POLA1: variants seen among roughly 807,000 people sequenced by gnomAD.
POLA1 encodes DNA polymerase alpha 1, catalytic subunit.
In POLA1, 15 loss-of-function variants were observed where a neutral mutation model predicts 124.0. The ratio of observed to expected loss-of-function variants is 0.12; its 90% CI spans 0.08 to 0.19. The LOEUF is 0.19. Among genes scored for constraint, POLA1 ranks in the 10% least tolerant of loss-of-function variants. POLA1 has a pLI of 1.00. For synonymous variants in POLA1, 408 were observed against 389.4 expected (o/e 1.05, Z -0.56); for missense variants, 886 against 1,103.4 (o/e 0.80, Z 2.79).
chrX:24,817,623 A>G (rs1305221543), intron 30 of POLA1, among the ~76,000 whole-genome samples: 6 of 109,205 alleles, frequency 5.5e-5, no homozygotes, highest in East Asian at 2.8e-4. Context: ...AAAAAAAAAA[A>G]AAAGAAAAGA....
At chrX:24,900,303 A>T (rs751030715) in intron 35 of POLA1, among the ~76,000 whole-genome samples, 1 of 111,954 alleles carries the variant, frequency 8.9e-6, no homozygotes, top group South Asian at 3.7e-4. Flanking sequence ...TTATATTTAG[A>T]CGATATATTG....
chrX:24,946,053 T>C (rs1458042918), intron 36 of POLA1, among the ~76,000 whole-genome samples: 2 of 111,581 alleles, frequency 1.8e-5, no homozygotes, highest in African/African-American at 6.5e-5. Context: ...ACTTGCGTCA[T>C]GAATGAAGGA....
At chrX:24,796,454 C>T (rs186041790) in intron 26 of POLA1, among the ~76,000 whole-genome samples, 317 of 110,331 alleles carry the variant, frequency 2.9e-3, no homozygotes, top group African/African-American at 0.01. Context: ...TGACACCTGC[C>T]AATAGTAACA....
chrX:24,919,825 TTTTTTTGTTTTG>T (rs1404579807), intron 35 of POLA1, among the ~76,000 whole-genome samples: 22 of 87,868 alleles, frequency 2.5e-4, no homozygotes, highest in African/African-American at 1.2e-3. Context: ...TTTTTGTTTT[TTTTTTTGTTTTG>T]TTTTTCTGTT....
intron 32 of POLA1, among the ~76,000 whole-genome samples, chrX:24,828,750 A>T (rs2046214068): frequency 9.0e-6 from 1 of 111,541 alleles, no homozygotes; most frequent in African/African-American, 3.3e-5. Flanking sequence ...ATTTAAGATA[A>T]GGACTTGCGT....
At chrX:24,987,190 C>T (rs920875678) in intron 36 of POLA1, among the ~76,000 whole-genome samples, 3 of 111,700 alleles carry the variant, frequency 2.7e-5, no homozygotes, top group Non-Finnish European at 5.6e-5. Flanking sequence ...AGTTCAGCAA[C>T]CTAAGAGGAA....
intron 26 of POLA1, among the ~76,000 whole-genome samples, chrX:24,775,694 A>G (rs2045126699): frequency 8.9e-6 from 1 of 112,223 alleles, no homozygotes; most frequent in Non-Finnish European, 1.9e-5. Flanking sequence ...ATAGAGCTCT[A>G]AAGATTCTTG....
intron 26 of POLA1, among the ~76,000 whole-genome samples, chrX:24,770,040 A>G (rs1271823885): frequency 1.8e-5 from 2 of 112,645 alleles, no homozygotes; most frequent in Non-Finnish European, 3.7e-5. Flanking sequence ...AACAGTATTT[A>G]TCTTTGTATG....
chrX:24,953,190 G>A (rs1054780953), intron 36 of POLA1, among the ~76,000 whole-genome samples: 9 of 111,726 alleles, frequency 8.1e-5, no homozygotes, highest in East Asian at 2.8e-4. Context: ...AGCCCCTCCC[G>A]CCCTTCCTCA....
chrX:24,885,040 G>A (rs754175106), intron 34 of POLA1, among the ~76,000 whole-genome samples: 1 of 112,218 alleles, frequency 8.9e-6, no homozygotes, highest in Non-Finnish European at 1.9e-5. Context: ...TGAAGTCGTA[G>A]TAAATTGACA....
At chrX:24,704,599 A>G in intron 4 of POLA1, 130 bp downstream of exon 4, 4 of 473,383 alleles carry the variant, frequency 8.4e-6, no homozygotes, top group Non-Finnish European at 1.5e-5. Flanking sequence ...TAGATACGGA[A>G]TATGTTCTAA....
chrX:24,829,685 A>C (rs1342704159), intron 32 of POLA1, among the ~76,000 whole-genome samples: 1 of 112,003 alleles, frequency 8.9e-6, no homozygotes, highest in Admixed American at 9.5e-5. Flanking sequence ...TAGGGTGGCT[A>C]TTCAGTAGGG....
chrX:24,717,307 G>C lies in POLA1; in HGVS notation c.724G>C (p.Glu242Gln). Residue 242 changes from glutamate (E) to glutamine (Q), a missense_variant, in exon 9 of 37, where the codon GAG becomes CAG. Glu to Gln is a conservative substitution (Grantham distance 29). Around this residue, in one of 7 missense-constraint regions of POLA1, gnomAD observed 337 missense variants for 402.8 expected, o/e 0.84. Transcript: ENST00000379068. ...AEFAGDDVQV[E>Q]STEEEQESGA... ...GCCTACAGGCGATGATGTACAGGTCGAGAGTACAGAAGAAGAGCAGGAGTC... is the reference window on the plus strand; with the variant it reads ...GCCTACAGGCGATGATGTACAGGTCCAGAGTACAGAAGAAGAGCAGGAGTC... 1.7e-6 allele frequency: 2 copies of C among 1,208,735 alleles called. No homozygotes were observed. The highest frequency in any genetic ancestry group is 2.2e-6 in the Non-Finnish European group (2 of 892,929).
intron 34 of POLA1, among the ~76,000 whole-genome samples, chrX:24,879,158 GGAAT>G (rs2046972142): frequency 9.0e-6 from 1 of 111,130 alleles, no homozygotes; most frequent in Non-Finnish European, 1.9e-5. Context: ...TTGACAGGCA[GGAAT>G]GGCGTTGGAA....
intron 36 of POLA1, among the ~76,000 whole-genome samples, chrX:24,950,674 G>A (rs1018324821): frequency 8.9e-5 from 10 of 111,919 alleles, no homozygotes; most frequent in Non-Finnish European, 5.6e-5. Context: ...TTGTAACAAA[G>A]TCAGGGGACC....
intron 35 of POLA1, among the ~76,000 whole-genome samples, chrX:24,919,513 C>T (rs1000606600): frequency 1.8e-5 from 2 of 111,668 alleles, no homozygotes; most frequent in African/African-American, 6.5e-5. Context: ...ATTTGTAAAA[C>T]TGAGAAAGCC....
intron 36 of POLA1, among the ~76,000 whole-genome samples, chrX:24,995,353 T>C (rs1248761400): frequency 9.0e-6 from 1 of 111,687 alleles, no homozygotes; most frequent in African/African-American, 3.3e-5. Flanking sequence ...GACTAGAAAA[T>C]GCTTACTAGG....
rs371515744 is a variant in POLA1 at position 24,852,530 on chromosome X, G to A, written c.4047+8853G>A. ...TCTCCATGTTGGTCAGGCTGATCTC[G>A]AACTCCCGACCTCAGGTGATCCACC... On this transcript the variant is annotated intron_variant, in intron 34 of 36. Coordinates refer to ENST00000379068, the MANE Select transcript of POLA1 (RefSeq NM_001330360.2). 7.2e-5 allele frequency among the ~76,000 whole-genome samples: 8 copies of A among 110,835 alleles called. No homozygotes were observed. In the East Asian group the frequency reaches 1.7e-3, roughly 24 times the overall value.
chrX:24,746,781 A>G (rs1932027828), intron 24 of POLA1, among the ~76,000 whole-genome samples: 1 of 112,455 alleles, frequency 8.9e-6, no homozygotes, highest in African/African-American at 3.2e-5. Context: ...AACAGTGTTC[A>G]CTTGAAGATA....
Sources: allele counts gnomAD v4.1 joint callset (sites outside exome capture counted in the v4.1 genomes callset), GRCh38; gene constraint gnomAD v4.1.1; regional missense constraint gnomAD v4.1.1; transcripts MANE v1.5; gene names NCBI Gene and HGNC (gene_info 2026-07-23, HGNC 2026-07-21).